FMN1: variants seen among roughly 807,000 people sequenced by gnomAD.
The protein encoded by FMN1 is formin-1.
FMN1 carries 110 observed loss-of-function variants against 132.4 expected under a neutral mutation model. The ratio of observed to expected loss-of-function variants is 0.83; its 90% CI spans 0.71 to 0.97. The LOEUF (loss-of-function observed/expected upper bound fraction) is 0.97. Ranked by LOEUF, FMN1 falls within the 50% of genes least tolerant of loss-of-function variation. FMN1 has a pLI of 0.00. For missense variants in FMN1, 1,792 were observed against 1,705.3 expected (o/e 1.05, Z -0.90); for synonymous variants, 722 against 651.7 (o/e 1.11, Z -1.64).
intron 5 of FMN1, among the ~76,000 whole-genome samples, chr15:33,088,400 G>A (rs959234089): frequency 1.3e-5 from 2 of 152,108 alleles, no homozygotes; most frequent in Non-Finnish European, 2.9e-5. Context: ...AGGAAGGCAG[G>A]GTATTCGGAT....
intron 19 of FMN1, among the ~76,000 whole-genome samples, chr15:32,785,216 ATATTTT>A (rs1221652324): frequency 4.5e-4 from 9 of 20,088 alleles, no homozygotes; most frequent in Non-Finnish European, 5.8e-4. Flanking sequence ...ATATATATAT[ATATTTT>A]TTTTTTTTTT....
intron 17 of FMN1, among the ~76,000 whole-genome samples, chr15:32,835,982 T>C (rs2058613944): frequency 6.6e-6 from 1 of 152,104 alleles, no homozygotes. Context: ...CACCTCAGCC[T>C]CTCTGTACCT....
At chr15:32,982,187 A>G (rs940568740) in intron 7 of FMN1, among the ~76,000 whole-genome samples, 7 of 152,224 alleles carry the variant, frequency 4.6e-5, no homozygotes, top group South Asian at 2.1e-4. Flanking sequence ...TTAAAACCAC[A>G]TAAGATATCA....
chr15:32,874,085 G>A (rs551589413), intron 16 of FMN1, among the ~76,000 whole-genome samples: 4 of 148,724 alleles, frequency 2.7e-5, no homozygotes, highest in Middle Eastern at 3.4e-3. Flanking sequence ...GCAATGGCGC[G>A]ATCTCGGCTC....
chr15:32,823,600 C>G (rs2058291466), intron 17 of FMN1, among the ~76,000 whole-genome samples: 1 of 152,192 alleles, frequency 6.6e-6, no homozygotes, highest in Admixed American at 6.5e-5. Flanking sequence ...AGTTTCCTCT[C>G]ACATACATTC....
intron 4 of FMN1, among the ~76,000 whole-genome samples, chr15:33,121,130 C>G (rs1226107704): frequency 6.7e-6 from 1 of 149,348 alleles, no homozygotes; most frequent in Non-Finnish European, 1.5e-5. Flanking sequence ...AATACCCCAT[C>G]TATGATTTAC....
At chr15:33,156,273 GTT>G (rs59517614) in intron 3 of FMN1, among the ~76,000 whole-genome samples, 30,843 of 86,774 alleles carry the variant, frequency 0.36, 5,127 homozygotes, top group Middle Eastern at 0.44. Flanking sequence ...CACTCAAGTA[GTT>G]TTTTTTTTTT....
chr15:32,870,911 A>G (rs2059499828), intron 16 of FMN1, among the ~76,000 whole-genome samples: 1 of 152,224 alleles, frequency 6.6e-6, no homozygotes, highest in African/African-American at 2.4e-5. Context: ...AAAAGAAAAC[A>G]TTGTCAAGAA....
chr15:32,973,529 G>A (rs997593309), intron 7 of FMN1, among the ~76,000 whole-genome samples: 3 of 151,950 alleles, frequency 2.0e-5, no homozygotes, highest in African/African-American at 7.3e-5. Context: ...ATGATAGTAA[G>A]AAATCTTTCT....
intron 5 of FMN1, among the ~76,000 whole-genome samples, chr15:33,066,273 C>T (rs1453084267): frequency 6.6e-6 from 1 of 152,188 alleles, no homozygotes; most frequent in African/African-American, 2.4e-5. Flanking sequence ...GTTACCCTTT[C>T]CTACCTGCAC....
Position 33,153,666 on chromosome 15 carries a change from C to A in FMN1, c.1249G>T (p.Val417Leu). ...SSVSASAEGA[V>L]NKVPLKVIES... ...ATCACCTTCAGGGGGACCTTGTTCA[C>A]GGCCCCCTCGGCACTGGCCGACACA... The change falls in exon 4 of 21, where the codon GTG (valine) becomes TTG (leucine). Residue 417 changes from valine (V) to leucine (L), a missense_variant. By Grantham distance (32) the Val-to-Leu change is conservative (BLOSUM62 1). Coordinates refer to ENST00000616417, the MANE Select transcript of FMN1 (RefSeq NM_001277313.2). 6.5e-7 allele frequency: 1 copy of A among 1,536,362 alleles called. No homozygotes were observed. Among genetic ancestry groups the A allele is most frequent in the Non-Finnish European group, 8.7e-7 (1 of 1,146,970 alleles).
At position 32,950,064 on chromosome 15, in the gene FMN1, T is replaced by TATATAC. The variant is rs1567449942; in HGVS notation, c.3138+14042_3138+14043insGTATAT. Among the ~76,000 whole-genome samples the TATATAC allele has an allele frequency of 2.2e-4, 18 of 81,954 alleles. 3 individuals carry two copies. The highest frequency in any genetic ancestry group is 5.2e-4 in the South Asian group (1 of 1,912). 53.8% of individuals were successfully genotyped at this position (81,954 alleles called of 152,430 possible). Reference sequence around the variant, plus strand: ...ATATATATATATACACATATATATATATATATATATATATATTAAAAAGCT... The same window carrying TATATAC: ...ATATATATATATACACATATATATATATATACATATATATATATATATTAAAAAGCT... On this transcript the variant is annotated intron_variant, in intron 9 of 20. Coordinates refer to ENST00000616417, the MANE Select transcript of FMN1 (RefSeq NM_001277313.2).
chr15:32,921,852 T>C (rs1008545275), intron 10 of FMN1, among the ~76,000 whole-genome samples: 12 of 152,014 alleles, frequency 7.9e-5, no homozygotes, highest in African/African-American at 2.2e-4. Context: ...TTTGTGTTTT[T>C]TGTAGAGATG....
At chr15:32,803,004 C>T (rs1384161204) in intron 18 of FMN1, among the ~76,000 whole-genome samples, 1 of 152,162 alleles carries the variant, frequency 6.6e-6, no homozygotes, top group Non-Finnish European at 1.5e-5. Context: ...CTTTCACCAG[C>T]ATTTTAATCT....
intron 4 of FMN1, among the ~76,000 whole-genome samples, chr15:33,109,261 T>C (rs183268070): frequency 6.6e-6 from 1 of 152,114 alleles, no homozygotes; most frequent in East Asian, 1.9e-4. Flanking sequence ...AACATAGAAA[T>C]CCACTATAGT....
intron 4 of FMN1, among the ~76,000 whole-genome samples, chr15:33,146,675 G>GC (rs1168946924): frequency 1.3e-5 from 2 of 152,208 alleles, no homozygotes; most frequent in African/African-American, 4.8e-5. Flanking sequence ...TAATATCACA[G>GC]CCCAGGGGCC....
chr15:33,077,354 A>T (rs866176533), intron 5 of FMN1, among the ~76,000 whole-genome samples: 2,513 of 93,528 alleles, frequency 0.027, 79 homozygotes, highest in African/African-American at 0.078. Context: ...TTTTTTTTTT[A>T]ATATATATAT....
Position 32,969,460 on chromosome 15 carries a change from C to T in FMN1, c.2241G>A (p.Arg747=). The change falls in exon 8 of 21, where the codon CGG becomes CGA. Residue 747 remains arginine, a synonymous_variant. Transcript: ENST00000616417. ...CATGCTCGCCCCGGATATGAAATGCCCGAAGTTCAAACTGTGCCTATAGGA... is the reference window on the plus strand; with the variant it reads ...CATGCTCGCCCCGGATATGAAATGCTCGAAGTTCAAACTGTGCCTATAGGA... ...IENLQAQFEL[R]AFHIRGEHAM... is the part of the protein sequence containing the mutation. The T allele has an allele frequency of 6.2e-7, 1 of 1,613,532 alleles. No individual in the cohort carries two copies. Among genetic ancestry groups the T allele is most frequent in the Non-Finnish European group, 8.5e-7 (1 of 1,179,680 alleles).
chr15:33,070,386 CTTTTT>C (rs34096484), intron 5 of FMN1, among the ~76,000 whole-genome samples: 106 of 134,350 alleles, frequency 7.9e-4, no homozygotes, highest in African/African-American at 2.8e-3. Flanking sequence ...CGTATTTGGT[CTTTTT>C]TTTTTTTTTT....
Sources: gnomAD v4.1 joint callset for allele counts (sites outside exome capture counted in the v4.1 genomes callset) on GRCh38, gnomAD v4.1.1 for gene constraint, MANE v1.5 for transcripts, NCBI Gene and HGNC (gene_info 2026-07-23, HGNC 2026-07-21) for gene names.